Variants in STK32B observed in about 807,000 individuals in gnomAD.
STK32B encodes the protein serine/threonine-protein kinase 32B.
STK32B carries 43 observed loss-of-function variants against 52.6 expected under a neutral mutation model. That is an observed-to-expected ratio of 0.82 (90% CI 0.64 to 1.05). The LOEUF is 1.05. STK32B is among the 50% of genes least tolerant of loss of function. The pLI is 0.00. For missense variants in STK32B, 621 were observed against 534.6 expected (o/e 1.16, Z -1.59); for synonymous variants, 238 against 204.3 (o/e 1.17, Z -1.41).
intron 3 of STK32B, among the ~76,000 whole-genome samples, chr4:5,234,203 G>C (rs13114148): frequency 0.68 from 103,533 of 152,146 alleles, 40,872 homozygotes; most frequent in Non-Finnish European, 0.9. Context: ...CCGCTCTTTT[G>C]AATCAACTCT....
chr4:5,290,490 C>A lies in STK32B; in HGVS notation c.261-40730C>A, dbSNP rs1045724080. On this transcript the variant is annotated intron_variant, in intron 3 of 11. Transcript: ENST00000282908. ...CATAGGGCCAAGATCATCAAGATAT[C>A]ACTGGCTGATAATAATCTTTATCTC... 5.3e-5 allele frequency among the ~76,000 whole-genome samples: 8 copies of A among 152,286 alleles called. 1 individual carries two copies. The highest frequency in any genetic ancestry group is 1.2e-4 in the Non-Finnish European group (8 of 68,024).
chr4:5,466,806 G>A lies in STK32B; in HGVS notation c.1013G>A (p.Arg338Lys), dbSNP rs1717474718. 1 of 1,613,802 alleles carries A rather than the reference G, an allele frequency of 6.2e-7. No individual in the cohort carries two copies. The highest frequency in any genetic ancestry group is 8.5e-7 in the Non-Finnish European group (1 of 1,179,912). Reference protein sequence around the residue: ...KKKRLAKNRSRDGTKDSCPLN... With the variant: ...KKKRLAKNRSKDGTKDSCPLN... ...AAGCGATTGGCAAAGAACAGATCCA[G>A]GGATGGCACAAAGGACAGCTGCCCG... Residue 338 changes from arginine (R) to lysine (K), a missense_variant, in exon 10 of 12, where the codon AGG becomes AAG. Arg to Lys is a conservative substitution (Grantham distance 26). Transcript: ENST00000282908.
intron 3 of STK32B, among the ~76,000 whole-genome samples, chr4:5,274,386 G>C (rs1253530378): frequency 6.6e-6 from 1 of 152,084 alleles, no homozygotes; most frequent in East Asian, 1.9e-4. Context: ...TTTTAATGGT[G>C]GGGGGTAGGG....
At chr4:5,113,540 T>C (rs1282242677) in intron 1 of STK32B, among the ~76,000 whole-genome samples, 2 of 151,808 alleles carry the variant, frequency 1.3e-5, no homozygotes, top group East Asian at 3.8e-4. Flanking sequence ...TTACAGAGCA[T>C]AACCTAGCCA....
intron 3 of STK32B, among the ~76,000 whole-genome samples, chr4:5,249,372 A>G (rs1221884484): frequency 6.6e-6 from 1 of 152,190 alleles, no homozygotes; most frequent in Non-Finnish European, 1.5e-5. Flanking sequence ...GAATACATAG[A>G]TTAGTGAATG....
chr4:5,374,780 G>A (rs760885839), intron 4 of STK32B, among the ~76,000 whole-genome samples: 11 of 137,696 alleles, frequency 8.0e-5, no homozygotes, highest in Non-Finnish European at 7.6e-5. Context: ...TGACGGGGGC[G>A]GGGGGGGAAC....
In STK32B at chr4:5,100,704, T is replaced by C. The variant is rs377708806; in HGVS notation, c.53-39201T>C. ...TTCTTACTTTCTTTCTTTCCTTCCT[T>C]CCTTTCTTCCTTCCCTCCTTCCCTT... is the stretch of plus-strand genomic sequence containing the variant. On this transcript the variant is annotated intron_variant, in intron 1 of 11. Transcript: ENST00000282908. Among the ~76,000 whole-genome samples, 54 of 39,970 alleles carry C rather than the reference T, an allele frequency of 1.4e-3. 2 individuals are homozygous for C. Among genetic ancestry groups the C allele is most frequent in the Admixed American group, 3.1e-3 (10 of 3,248 alleles). 26.2% of individuals were successfully genotyped at this position (39,970 alleles called of 152,430 possible). A position where few individuals can be genotyped will look rare whatever the true frequency, so the allele number is the denominator to read the frequency against.
chr4:5,291,150 T>G (rs1334470222), intron 3 of STK32B, among the ~76,000 whole-genome samples: 2 of 152,162 alleles, frequency 1.3e-5, no homozygotes, highest in Non-Finnish European at 2.9e-5. Context: ...TTGGTGATTA[T>G]GTATCTCTTG....
intron 4 of STK32B, among the ~76,000 whole-genome samples, chr4:5,391,899 G>C (rs1043943244): frequency 4.6e-5 from 7 of 152,124 alleles, no homozygotes; most frequent in African/African-American, 1.7e-4. Flanking sequence ...ATTTTAAAGT[G>C]GACAAGCACA....
intron 11 of STK32B, among the ~76,000 whole-genome samples, chr4:5,497,465 A>T (rs560156666): frequency 6.6e-6 from 1 of 152,222 alleles, no homozygotes; most frequent in South Asian, 2.1e-4. Flanking sequence ...GTTCCTGCCC[A>T]GTCCACTAGG....
chr4:5,275,252 A>G (rs1727737067), intron 3 of STK32B, among the ~76,000 whole-genome samples: 1 of 152,182 alleles, frequency 6.6e-6, no homozygotes, highest in Non-Finnish European at 1.5e-5. Context: ...ACTTAGTTAC[A>G]TCCTGTCTGG....
At chr4:5,355,748 C>G (rs1417591267) in intron 4 of STK32B, among the ~76,000 whole-genome samples, 1 of 152,068 alleles carries the variant, frequency 6.6e-6, no homozygotes, top group Admixed American at 6.5e-5. Context: ...TGATATCACC[C>G]CTGGAGGAGA....
intron 4 of STK32B, chr4:5,345,339 A>G (rs1225846038): frequency 6.7e-6 from 1 of 149,716 alleles, no homozygotes; most frequent in Non-Finnish European, 1.5e-5. Context: ...ATTTTCATGA[A>G]TTTAAAGCAG....
At chr4:5,183,182 T>C (rs539572877) in intron 3 of STK32B, among the ~76,000 whole-genome samples, 11 of 152,042 alleles carry the variant, frequency 7.2e-5, no homozygotes, top group Non-Finnish European at 1.5e-4. Flanking sequence ...TTTGAAGCTT[T>C]AAAACCAGGC....
Position 5,051,785 on chromosome 4 carries a change from C to T in STK32B, c.-79C>T. 1 of 1,542,192 alleles carries T rather than the reference C, an allele frequency of 6.5e-7. No individual in the cohort carries two copies. The highest frequency in any genetic ancestry group is 8.8e-7 in the Non-Finnish European group (1 of 1,141,632). On this transcript the variant is annotated 5_prime_UTR_variant, in exon 1 of 12. Coordinates refer to ENST00000282908, the MANE Select transcript of STK32B (RefSeq NM_018401.3). The stretch of plus-strand genomic sequence containing the variant: ...CGGACTGGGCGCGCCCCCGGCATCC[C>T]GCATCTCTGCGCGCGTCCCACATCC...
chr4:5,395,990 A>G lies in STK32B; in HGVS notation c.435-2217A>G, dbSNP rs888706721. On this transcript the variant is annotated intron_variant, in intron 4 of 11. Transcript: ENST00000282908. The surrounding 1 kb of genome is among the most constrained non-coding windows in gnomAD (Gnocchi z 4.4). ...CGTGGCCAGGCCCTGGGCTTGTCCA[A>G]GGCCATGCTGTCATTAATGGGGCCC... 2.6e-5 allele frequency among the ~76,000 whole-genome samples: 4 copies of G among 152,228 alleles called. No individual in the cohort carries two copies. Among genetic ancestry groups the G allele is most frequent in the East Asian group, 1.9e-4 (1 of 5,182 alleles).
chr4:5,248,826 CA>C (rs1279153900), intron 3 of STK32B, among the ~76,000 whole-genome samples: 2 of 150,634 alleles, frequency 1.3e-5, no homozygotes, highest in Non-Finnish European at 2.9e-5. Flanking sequence ...ATCGTGAGGA[CA>C]AAAAACCAAA....
intron 3 of STK32B, among the ~76,000 whole-genome samples, chr4:5,329,133 G>T (rs1732062924): frequency 6.6e-6 from 1 of 152,296 alleles, no homozygotes; most frequent in Admixed American, 6.5e-5. Context: ...TGCCTAGAAA[G>T]GCAGAAGGGC....
intron 3 of STK32B, among the ~76,000 whole-genome samples, chr4:5,277,750 T>A (rs571465011): frequency 2.1e-4 from 32 of 150,730 alleles, no homozygotes; most frequent in Non-Finnish European, 1.5e-4. Flanking sequence ...TTACATTTTA[T>A]TTTTTCTTTC....
Sources: allele counts gnomAD v4.1 joint callset (sites outside exome capture counted in the v4.1 genomes callset), GRCh38; gene constraint gnomAD v4.1.1; non-coding constraint Gnocchi (gnomAD v3.1); transcripts MANE v1.5; gene names NCBI Gene and HGNC (gene_info 2026-07-23, HGNC 2026-07-21).